CHEK2: variants seen among roughly 807,000 people sequenced by gnomAD.
CHEK2 encodes the protein serine/threonine-protein kinase Chk2.
Under a neutral mutation model 69.1 loss-of-function variants are expected in CHEK2, and 71 were observed. The ratio of observed to expected loss-of-function variants is 1.03; its 90% confidence interval spans 0.85 to 1.25. CHEK2 has a LOEUF of 1.25. Ranked by LOEUF, CHEK2 falls within the 50% of genes most tolerant of loss-of-function variation. The pLI, the probability that CHEK2 is intolerant of heterozygous loss-of-function variation, is 0.00. For synonymous variants in CHEK2, 189 were observed against 226.9 expected, an observed-to-expected ratio of 0.83 and a Z score of 1.50; for missense variants, 664 against 649.6, an observed-to-expected ratio of 1.02 and a Z score of -0.24.
Position 28,734,533 on chromosome 22 carries a change from T to C in CHEK2, c.189A>G (p.Leu63=), listed in dbSNP as rs761028062. 3.7e-6 allele frequency: 6 copies of C among 1,613,786 alleles called. No homozygotes were observed. Among genetic ancestry groups the C allele is most frequent in the South Asian group, 1.1e-5 (1 of 91,066 alleles). Residue 63 remains leucine, a synonymous_variant, in exon 2 of 15, where the codon TTA becomes TTG. Coordinates refer to ENST00000404276, the MANE Select transcript of CHEK2 (RefSeq NM_007194.4). Reference sequence around the variant, plus strand: ...AGAGTTCCTGAGTGGACACTGTCTCTAAGGAGCTCAGTGTCCCAGAGCTGG... The same window carrying C: ...AGAGTTCCTGAGTGGACACTGTCTCCAAGGAGCTCAGTGTCCCAGAGCTGG... ...SHSSSGTLSS[L]ETVSTQELYS...
intron 7 of CHEK2, among the ~76,000 whole-genome samples, chr22:28,707,626 T>A (rs1044394234): frequency 6.6e-6 from 1 of 152,176 alleles, no homozygotes; most frequent in Non-Finnish European, 1.5e-5. Flanking sequence ...CTACTTATTG[T>A]CCCCAAGCAT....
chr22:28,707,623 T>C (rs540189701), intron 7 of CHEK2, among the ~76,000 whole-genome samples: 1 of 152,302 alleles, frequency 6.6e-6, no homozygotes, highest in South Asian at 2.1e-4. Flanking sequence ...ACTCTACTTA[T>C]TGTCCCCAAG....
At chr22:28,737,461 G>A (rs914601931) in intron 1 of CHEK2, 12 of 240,318 alleles carry the variant, frequency 5.0e-5, no homozygotes, top group Admixed American at 4.5e-4. Context: ...TAAGACTTAT[G>A]AACTGATTAT....
At chr22:28,732,529 G>A (rs1411744142) in intron 2 of CHEK2, among the ~76,000 whole-genome samples, 3 of 152,196 alleles carry the variant, frequency 2.0e-5, no homozygotes, top group African/African-American at 7.2e-5. Context: ...TTACAGGCAT[G>A]AGCCACAATG....
At chr22:28,712,143 T>C in intron 5 of CHEK2, 126 bp from the exon 6 acceptor site, 2 of 749,108 alleles carry the variant, frequency 2.7e-6, no homozygotes, top group Non-Finnish European at 4.7e-6. Flanking sequence ...ATTGTCCCTG[T>C]TTGCAGAGGA....
chr22:28,687,967 C>T lies in CHEK2; in HGVS notation c.1562G>A (p.Arg521Gln), dbSNP rs373959274. The change falls in exon 15 of 15, where the codon CGG becomes CAG. Residue 521 changes from arginine to glutamine, a missense_variant. Arg to Gln is a conservative substitution (Grantham distance 43). Transcript: ENST00000404276. ...ACCCTCGGCTTCCCCTTCACGGGGCCGCTTTCGACTAGTAGAAGGCTGAAA... is the reference window on the plus strand; with the variant it reads ...ACCCTCGGCTTCCCCTTCACGGGGCTGCTTTCGACTAGTAGAAGGCTGAAA... ...VLAQPSTSRKRPREGEAEGAE... is the reference protein window; with the variant it reads ...VLAQPSTSRKQPREGEAEGAE... 16 of 1,595,944 alleles carry T rather than the reference C, an allele frequency of 1.0e-5. No homozygotes were observed. The highest frequency in any genetic ancestry group is 3.3e-5 in the Admixed American group (2 of 59,972).
chr22:28,706,478 C>T (rs899553461), intron 7 of CHEK2, among the ~76,000 whole-genome samples: 2 of 152,182 alleles, frequency 1.3e-5, no homozygotes, highest in Admixed American at 6.6e-5. Flanking sequence ...GGGTCTCACT[C>T]TGCTGCCCAG....
intron 1 of CHEK2, among the ~76,000 whole-genome samples, chr22:28,736,470 T>C (rs16986656): frequency 0.041 from 6,288 of 152,262 alleles, 148 homozygotes; most frequent in Middle Eastern, 0.065. Context: ...GGAAGACAGC[T>C]CTTAACAACT....
At position 28,699,863 on chromosome 22, in the gene CHEK2, A is replaced by G. The variant is rs1555915377; in HGVS notation, c.983T>C (p.Phe328Ser). ...RLKEATCKLYFYQMLLAVQYL... is the reference protein window; with the variant it reads ...RLKEATCKLYSYQMLLAVQYL... ...CTGCACAGCCAAGAGCATCTGGTAA[A>G]AATAGAGCTTGCAGGTAGCTTCTTT... Residue 328 changes from phenylalanine (F) to serine (S), a missense_variant, in exon 9 of 15, where the codon TTT (phenylalanine) becomes TCT (serine). Phe to Ser is a radical substitution (Grantham distance 155, BLOSUM62 -2). Coordinates refer to ENST00000404276, the MANE Select transcript of CHEK2 (RefSeq NM_007194.4). The G allele has an allele frequency of 6.2e-7, 1 of 1,613,928 alleles. No individual in the cohort carries two copies. Among genetic ancestry groups the G allele is most frequent in the Non-Finnish European group, 8.5e-7 (1 of 1,179,838 alleles).
chr22:28,703,386 T>C, intron 8 of CHEK2, 119 bp downstream of exon 8: 1 of 672,372 alleles, frequency 1.5e-6, no homozygotes, highest in Admixed American at 2.4e-5. Flanking sequence ...TGGGCCCCAC[T>C]ACTACATACA....
intron 5 of CHEK2, 28 bp from the exon 6 acceptor site, chr22:28,712,045 G>C (rs774712585): frequency 6.5e-7 from 1 of 1,528,688 alleles, no homozygotes; most frequent in Non-Finnish European, 9.1e-7. Flanking sequence ...GATAGTGATT[G>C]TCTGAATGTT....
intron 13 of CHEK2, among the ~76,000 whole-genome samples, chr22:28,692,135 T>C (rs5762746): frequency 0.6 from 91,875 of 152,044 alleles, 28,151 homozygotes; most frequent in South Asian, 0.74. Context: ...AGATAGGCTA[T>C]GCTTGCTCAT....
At chr22:28,707,867 C>G (rs577853486) in intron 7 of CHEK2, among the ~76,000 whole-genome samples, 131 of 122,024 alleles carry the variant, frequency 1.1e-3, no homozygotes, top group Middle Eastern at 7.7e-3. Flanking sequence ...GACGGAGTCT[C>G]GCTCTGTTGC....
intron 6 of CHEK2, among the ~76,000 whole-genome samples, chr22:28,710,851 AG>A (rs1184603460): frequency 6.6e-6 from 1 of 152,254 alleles, no homozygotes; most frequent in Non-Finnish European, 1.5e-5. Flanking sequence ...ATGGTCACAA[AG>A]GTCCAATCTG....
chr22:28,712,006 C>A lies in CHEK2; in HGVS notation c.695G>T (p.Gly232Val), dbSNP rs779322187. Residue 232 changes from glycine to valine, a missense_variant, in exon 6 of 15, where the codon GGA becomes GTA. Coordinates refer to ENST00000404276, the MANE Select transcript of CHEK2 (RefSeq NM_007194.4). ...MSKTLGSGAC[G>V]EVKLAFERKT... The stretch of plus-strand genomic sequence containing the variant: ...CCTCTCGAAAGCCAGCTTTACCTCT[C>A]CACAGGCACCACTAGAGGGAAAAAC... The A allele has an allele frequency of 1.2e-6, 2 of 1,610,906 alleles. No homozygotes were observed. The highest frequency in any genetic ancestry group is 1.7e-5 in the Admixed American group (1 of 59,894).
In CHEK2 at chr22:28,719,272, CAAAT is replaced by C. The variant is rs540792155; in HGVS notation, c.683+119_683+122del. 271 of 525,650 alleles carry C rather than the reference CAAAT, an allele frequency of 5.2e-4. 4 individuals are homozygous for C. The South Asian group carries it at 7.2e-3, about 14-fold the overall frequency. 32.6% of individuals were successfully genotyped at this position (525,650 alleles called of 1,614,324 possible). A position where few individuals can be genotyped will look rare whatever the true frequency, so the allele number is the denominator to read the frequency against. ...AAAAATAAAAATAAAAAATAATACACAAATAGATACCATACAAATGTTATCAATA... is the reference window on the plus strand; with the variant it reads ...AAAAATAAAAATAAAAAATAATACACAGATACCATACAAATGTTATCAATA... On this transcript the variant is annotated intron_variant, in intron 5 of 14. Coordinates refer to ENST00000404276, the MANE Select transcript of CHEK2 (RefSeq NM_007194.4).
In CHEK2 at chr22:28,725,254, G is replaced by T. The variant is rs137853007; in HGVS notation, c.433C>A (p.Arg145=). Residue 145 remains arginine (R), a synonymous_variant, in exon 3 of 15, where the codon CGG becomes AGG. Transcript: ENST00000404276. ...KYRTYSKKHF[R]IFREVGPKNS... is the part of the protein sequence containing the mutation. ...TATTCATTACCTACCCTGAAAATCC[G>T]AAAGTGTTTCTTGCTGTATGTTCGG... 6.2e-7 allele frequency: 1 copy of T among 1,614,038 alleles called. No homozygotes were observed. Among genetic ancestry groups the T allele is most frequent in the Non-Finnish European group, 8.5e-7 (1 of 1,180,008 alleles).
At chr22:28,707,766 G>C (rs961303800) in intron 7 of CHEK2, among the ~76,000 whole-genome samples, 1 of 148,934 alleles carries the variant, frequency 6.7e-6, no homozygotes, top group African/African-American at 2.5e-5. Context: ...CACCGGATTT[G>C]TACAAATGTT....
rs17880388 is a variant in CHEK2, at chr22:28,734,050, C to T, written c.319+353G>A. Among the ~76,000 whole-genome samples the T allele has an allele frequency of 7.6e-4, 116 of 152,186 alleles. 1 individual carries two copies. The South Asian group carries it at 0.022, about 29-fold the overall frequency. ...CAATCCACACCAGTCTTGGAATGGC[C>T]GAGCTCCAATTCACTTTGGCCTCTA... On this transcript the variant is annotated intron_variant, in intron 2 of 14. Coordinates refer to ENST00000404276, the MANE Select transcript of CHEK2 (RefSeq NM_007194.4).
Sources: gnomAD v4.1 joint callset for allele counts (sites outside exome capture counted in the v4.1 genomes callset) on GRCh38, gnomAD v4.1.1 for gene constraint, MANE v1.5 for transcripts, NCBI Gene and HGNC (gene_info 2026-07-23, HGNC 2026-07-21) for gene names.